The following KCTD10 variants were observed in gnomAD, a reference collection of about 807,000 sequenced individuals.
KCTD10 encodes potassium channel tetramerization domain containing 10.
A neutral mutation model predicts 34.6 loss-of-function variants in KCTD10; 13 were observed. The ratio of observed to expected loss-of-function variants is 0.38; its 90% CI spans 0.24 to 0.60. The LOEUF (loss-of-function observed/expected upper bound fraction) is 0.60. Among genes scored for constraint, KCTD10 ranks in the 20% least tolerant of loss-of-function variants. The pLI is 0.66. For missense variants in KCTD10, 256 were observed against 420.3 expected (o/e 0.61, Z 3.42); for synonymous variants, 156 against 168.8 (o/e 0.92, Z 0.59).
At chr12:109,474,604 T>C (rs1283562919) in intron 1 of KCTD10, among the ~76,000 whole-genome samples, 2 of 152,078 alleles carry the variant, frequency 1.3e-5, no homozygotes, top group Admixed American at 1.3e-4. Flanking sequence ...GAGCCCACTA[T>C]TCTAAAAAGC....
intron 1 of KCTD10, among the ~76,000 whole-genome samples, chr12:109,472,989 A>G (rs1222600275): frequency 1.3e-5 from 2 of 152,164 alleles, no homozygotes; most frequent in African/African-American, 2.4e-5. Flanking sequence ...TGCCTCCAGA[A>G]AGCCCCTCGG....
At chr12:109,468,307 T>C (rs1441844797) in intron 2 of KCTD10, among the ~76,000 whole-genome samples, 2 of 152,048 alleles carry the variant, frequency 1.3e-5, no homozygotes, top group Non-Finnish European at 2.9e-5. Context: ...CCTCTTAGGA[T>C]CAGAGAATTA....
At chr12:109,468,884 C>T (rs915887800) in intron 2 of KCTD10, among the ~76,000 whole-genome samples, 52 of 152,162 alleles carry the variant, frequency 3.4e-4, no homozygotes, top group Non-Finnish European at 5.4e-4. Context: ...GATCTCCTGA[C>T]CTCGTGATCC....
intron 2 of KCTD10, chr12:109,469,281 T>A (rs951921162): frequency 1.8e-6 from 1 of 544,054 alleles, no homozygotes; most frequent in African/African-American, 1.9e-5. Context: ...CAGGCTTGAG[T>A]TTCACTCTGA....
intron 2 of KCTD10, among the ~76,000 whole-genome samples, chr12:109,463,307 C>A (rs953291810): frequency 6.6e-6 from 1 of 152,104 alleles, no homozygotes; most frequent in Admixed American, 6.5e-5. Flanking sequence ...TCAAGAATGC[C>A]GTCAGGAAAT....
At chr12:109,465,857 T>G (rs1449742795) in intron 2 of KCTD10, among the ~76,000 whole-genome samples, 1 of 152,152 alleles carries the variant, frequency 6.6e-6, no homozygotes, top group East Asian at 1.9e-4. Context: ...GATCACAAAA[T>G]GAATGACTCT....
chr12:109,454,037 C>T (rs772218356), intron 6 of KCTD10, among the ~76,000 whole-genome samples: 2 of 152,184 alleles, frequency 1.3e-5, no homozygotes, highest in Non-Finnish European at 2.9e-5. Context: ...GGTCAATTGC[C>T]TGCTAAAACA....
chr12:109,470,725 C>T (rs76999751), intron 1 of KCTD10: 19,947 of 343,138 alleles, frequency 0.058, 710 homozygotes, highest in Non-Finnish European at 0.068. Context: ...ACCATTCAGT[C>T]ATCATGTCCG....
chr12:109,469,265 C>G, intron 2 of KCTD10: 1 of 514,668 alleles, frequency 1.9e-6, no homozygotes, highest in Non-Finnish European at 3.5e-6. Context: ...ATACCTCTCT[C>G]TCCCCCAGGC....
At chr12:109,464,787 T>A (rs1192638983) in intron 2 of KCTD10, 1 of 455,278 alleles carries the variant, frequency 2.2e-6, no homozygotes, top group South Asian at 1.6e-5. Context: ...CTCACCAGAT[T>A]TGCAATAATT....
intron 2 of KCTD10, among the ~76,000 whole-genome samples, chr12:109,467,690 G>T (rs565841709): frequency 5.3e-4 from 81 of 152,172 alleles, no homozygotes; most frequent in Admixed American, 1.5e-3. Context: ...TGAAGCAGGG[G>T]CTGAGCTCCG....
At position 109,460,242 on chromosome 12, in the gene KCTD10, T is replaced by G. The variant is rs11613023; in HGVS notation, c.387+394A>C. 6.1e-6 allele frequency: 1 copy of G among 163,876 alleles called. No homozygotes were observed. Among genetic ancestry groups the G allele is most frequent in the African/African-American group, 2.4e-5 (1 of 41,860 alleles). The allele number at this position is 163,876 out of a possible 1,614,324, so 10.2% of individuals were successfully genotyped here. On this transcript the variant is annotated intron_variant, in intron 3 of 6. Coordinates refer to ENST00000228495, the MANE Select transcript of KCTD10 (RefSeq NM_031954.5). The surrounding 1 kb of genome is among the most constrained non-coding windows in gnomAD (Gnocchi z 4.5). ...AGACCTGACTCCAGTGGTCCTGCTC[T>G]GTCTAGCTAAGGAGTGAGGGGTGTC...
chr12:109,469,059 C>G (rs2135676284), intron 2 of KCTD10: 1 of 197,010 alleles, frequency 5.1e-6, no homozygotes. Flanking sequence ...CACACATGCA[C>G]TGAATACTGA....
Position 109,450,543 on chromosome 12 carries a change from C to G in KCTD10, c.*1052G>C. On this transcript the variant is annotated 3_prime_UTR_variant, in exon 7 of 7. Transcript: ENST00000228495. ...AAGACAAGGGGGTCTGTGTTTATAGCAGGGAAGCTCCCTGGGGCTGGTGGT... is the reference window on the plus strand; with the variant it reads ...AAGACAAGGGGGTCTGTGTTTATAGGAGGGAAGCTCCCTGGGGCTGGTGGT... 1 of 396,066 alleles carries G rather than the reference C, an allele frequency of 2.5e-6. No homozygotes were observed. Among genetic ancestry groups the G allele is most frequent in the Non-Finnish European group, 4.4e-6 (1 of 224,986 alleles). The allele number at this position is 396,066 out of a possible 1,614,324, so 24.5% of individuals were successfully genotyped here.
At chr12:109,473,366 A>G (rs1263963996) in intron 1 of KCTD10, among the ~76,000 whole-genome samples, 1 of 152,228 alleles carries the variant, frequency 6.6e-6, no homozygotes, top group East Asian at 1.9e-4. Flanking sequence ...AGCTGTGTCC[A>G]GGGCCAAAAG....
Position 109,450,688 on chromosome 12 carries a change from G to A in KCTD10, c.*907C>T, listed in dbSNP as rs527830023. 2 of 253,634 alleles carry A rather than the reference G, an allele frequency of 7.9e-6. No individual in the cohort carries two copies. Among genetic ancestry groups the A allele is most frequent in the South Asian group, 1.8e-4 (1 of 5,708 alleles). The allele number at this position is 253,634 out of a possible 1,614,324, so 15.7% of individuals were successfully genotyped here. On this transcript the variant is annotated 3_prime_UTR_variant, in exon 7 of 7. Coordinates refer to ENST00000228495, the MANE Select transcript of KCTD10 (RefSeq NM_031954.5). Reference sequence around the variant, plus strand: ...CTTCATGGGGAAGGAGGCTGAAGAGGAGCGGGATCCCAGGGAGGGGTAGTT... The same window carrying A: ...CTTCATGGGGAAGGAGGCTGAAGAGAAGCGGGATCCCAGGGAGGGGTAGTT...
chr12:109,465,872 T>C (rs1210173671), intron 2 of KCTD10, among the ~76,000 whole-genome samples: 14 of 152,180 alleles, frequency 9.2e-5, no homozygotes, highest in Admixed American at 7.9e-4. Context: ...GACTCTTCAA[T>C]CTAGTGTACG....
chr12:109,454,137 A>G (rs942077632), intron 6 of KCTD10, among the ~76,000 whole-genome samples: 51 of 152,226 alleles, frequency 3.4e-4, no homozygotes, highest in African/African-American at 1.2e-3. Flanking sequence ...AAATTTCTCA[A>G]TACACAAGAA....
chr12:109,464,534 TC>T (rs1338376803), intron 2 of KCTD10, among the ~76,000 whole-genome samples: 2 of 152,070 alleles, frequency 1.3e-5, no homozygotes, highest in Non-Finnish European at 2.9e-5. Context: ...CTCTGAGGTT[TC>T]CAAAAGCCCC....
Sources: allele counts gnomAD v4.1 joint callset (sites outside exome capture counted in the v4.1 genomes callset), GRCh38; gene constraint gnomAD v4.1.1; non-coding constraint Gnocchi (gnomAD v3.1); transcripts MANE v1.5; gene names NCBI Gene and HGNC (gene_info 2026-07-23, HGNC 2026-07-21).